The following C11orf65 variants were observed in gnomAD, a reference collection of about 807,000 sequenced individuals.
C11orf65 encodes the protein protein MFI.
Under a neutral mutation model 35.3 loss-of-function variants are expected in C11orf65, and 38 were observed. That is an observed-to-expected ratio of 1.08 (90% CI 0.83 to 1.41). The LOEUF is 1.41. Ranked by LOEUF, C11orf65 falls within the 40% of genes most tolerant of loss-of-function variation. C11orf65 has a pLI of 0.00. For missense variants in C11orf65, 370 were observed against 367.1 expected (o/e 1.01, Z -0.06); for synonymous variants, 105 against 114.4 (o/e 0.92, Z 0.53).
At chr11:108,335,714 T>A (rs970251926) in intron 2 of C11orf65, 21 of 697,460 alleles carry the variant, frequency 3.0e-5, no homozygotes, top group African/African-American at 2.0e-4. Flanking sequence ...GGTATTTAAT[T>A]ATTTGGGAGA....
intron 2 of C11orf65, among the ~76,000 whole-genome samples, chr11:108,362,961 C>G (rs1417610435): frequency 6.6e-6 from 1 of 151,704 alleles, no homozygotes; most frequent in South Asian, 2.1e-4. Context: ...TTAAAAAAAA[C>G]TAAAAAAACA....
At chr11:108,457,945 C>T (rs1338331314) in intron 2 of C11orf65, among the ~76,000 whole-genome samples, 1 of 152,038 alleles carries the variant, frequency 6.6e-6, no homozygotes, top group Non-Finnish European at 1.5e-5. Flanking sequence ...CAAATGTATT[C>T]TCTTCACATC....
intron 2 of C11orf65, among the ~76,000 whole-genome samples, chr11:108,357,695 C>T (rs2090176580): frequency 6.6e-6 from 1 of 152,176 alleles, no homozygotes; most frequent in African/African-American, 2.4e-5. Context: ...ACTGACACCT[C>T]ACACGGCAGG....
intron 2 of C11orf65, among the ~76,000 whole-genome samples, chr11:108,459,313 T>A (rs2093443540): frequency 6.6e-6 from 1 of 152,110 alleles, no homozygotes; most frequent in Non-Finnish European, 1.5e-5. Flanking sequence ...ATAGTATGTA[T>A]CTGTCTACAA....
chr11:108,341,134 T>G (rs901056781), intron 2 of C11orf65, among the ~76,000 whole-genome samples: 4 of 152,012 alleles, frequency 2.6e-5, no homozygotes, highest in African/African-American at 9.7e-5. Flanking sequence ...CCTCTCACTT[T>G]CTGCTTGTAT....
At chr11:108,451,649 A>C (rs2093348999) in intron 2 of C11orf65, among the ~76,000 whole-genome samples, 1 of 152,156 alleles carries the variant, frequency 6.6e-6, no homozygotes, top group African/African-American at 2.4e-5. Flanking sequence ...GAATTGGAAA[A>C]GACTACTTTA....
intron 1 of C11orf65, among the ~76,000 whole-genome samples, chr11:108,466,390 A>G (rs540899268): frequency 3.9e-4 from 60 of 152,268 alleles, no homozygotes; most frequent in African/African-American, 1.3e-3. Context: ...CCTGGCCAAT[A>G]TGGTGAAACC....
chr11:108,459,717 T>C (rs1253931061), intron 2 of C11orf65, among the ~76,000 whole-genome samples: 1 of 114,196 alleles, frequency 8.8e-6, no homozygotes, highest in Non-Finnish European at 1.9e-5. Flanking sequence ...TGAAAATGTG[T>C]CCTCCGTCTA....
chr11:108,362,479 G>C (rs1206666646), intron 2 of C11orf65, among the ~76,000 whole-genome samples: 3 of 150,890 alleles, frequency 2.0e-5, no homozygotes, highest in South Asian at 4.2e-4. Flanking sequence ...AAATCATGCT[G>C]CTATAAAGAC....
intron 2 of C11orf65, chr11:108,343,124 GA>G: frequency 2.8e-5 from 42 of 1,475,240 alleles, no homozygotes; most frequent in Non-Finnish European, 3.4e-5. Flanking sequence ...AATACAACTT[GA>G]AAAAAAATGC....
intron 2 of C11orf65, among the ~76,000 whole-genome samples, chr11:108,370,355 T>C (rs1565616506): frequency 6.6e-6 from 1 of 152,078 alleles, no homozygotes; most frequent in South Asian, 2.1e-4. Flanking sequence ...TCTATATATA[T>C]AGTCATATCA....
chr11:108,433,929 G>A (rs978682561), intron 2 of C11orf65, among the ~76,000 whole-genome samples: 2 of 152,184 alleles, frequency 1.3e-5, no homozygotes, highest in African/African-American at 2.4e-5. Context: ...GGTGATTGAT[G>A]GATGGTTTGA....
rs541648797 is a variant in C11orf65, at chr11:108,371,427, T to C, written c.226+21781A>G. ...CCCTGAGAACTACTGTTCTACCTTTTGTCTCTCTGCATTTGACATTCAAGG... is the reference window on the plus strand; with the variant it reads ...CCCTGAGAACTACTGTTCTACCTTTCGTCTCTCTGCATTTGACATTCAAGG... On this transcript the variant is annotated intron_variant, in intron 2 of 3. Coordinates refer to the C11orf65 transcript ENST00000524755. Among the ~76,000 whole-genome samples, 108 of 152,350 alleles carry C rather than the reference T, an allele frequency of 7.1e-4. 1 individual carries two copies. The highest frequency in any genetic ancestry group is 2.5e-3 in the African/African-American group (102 of 41,586).
intron 2 of C11orf65, among the ~76,000 whole-genome samples, chr11:108,448,334 A>C (rs2093295750): frequency 6.6e-6 from 1 of 152,186 alleles, no homozygotes; most frequent in Admixed American, 6.5e-5. Flanking sequence ...ACAACCGAAA[A>C]AGAGAATTTT....
chr11:108,372,941 G>A (rs2091612231), intron 2 of C11orf65, among the ~76,000 whole-genome samples: 1 of 152,126 alleles, frequency 6.6e-6, no homozygotes, highest in South Asian at 2.1e-4. Flanking sequence ...TTAGCTGGGT[G>A]TAGTGGCACA....
intron 2 of C11orf65, among the ~76,000 whole-genome samples, chr11:108,340,612 C>T (rs368128490): frequency 2.2e-4 from 33 of 152,322 alleles, no homozygotes; most frequent in African/African-American, 7.7e-4. Flanking sequence ...AGAGTTTAAA[C>T]CAACAGTTTA....
chr11:108,356,220 T>A (rs1327112543), intron 2 of C11orf65: 2 of 152,106 alleles, frequency 1.3e-5, no homozygotes, highest in African/African-American at 4.8e-5. Flanking sequence ...TCTAAAGTTA[T>A]ATTATCTTGC....
chr11:108,446,725 T>G (rs1475797207), intron 2 of C11orf65, among the ~76,000 whole-genome samples: 1 of 152,134 alleles, frequency 6.6e-6, no homozygotes, highest in African/African-American at 2.4e-5. Context: ...CTGCATCAAC[T>G]AACGAGCAAA....
intron 2 of C11orf65, among the ~76,000 whole-genome samples, chr11:108,446,417 G>T (rs530168550): frequency 0.017 from 2,619 of 151,300 alleles, 57 homozygotes; most frequent in African/African-American, 0.06. Flanking sequence ...AAGCCCATCA[G>T]ACTAACAGCG....
Sources: gnomAD v4.1 joint callset for allele counts (sites outside exome capture counted in the v4.1 genomes callset) on GRCh38, gnomAD v4.1.1 for gene constraint, MANE v1.5 for transcripts, NCBI Gene and HGNC (gene_info 2026-07-23, HGNC 2026-07-21) for gene names.